The following ST8SIA2 variants were observed in gnomAD, a reference collection of about 807,000 sequenced individuals.
ST8SIA2 encodes the protein alpha-2,8-sialyltransferase 8B.
In ST8SIA2, 22 loss-of-function variants were observed where a neutral mutation model predicts 37.6. The ratio of observed to expected loss-of-function variants is 0.58; its 90% CI spans 0.42 to 0.83. The LOEUF is 0.83. ST8SIA2 is among the 40% of genes least tolerant of loss of function. ST8SIA2 has a pLI of 0.00. For missense variants in ST8SIA2, 382 were observed against 484.7 expected, an observed-to-expected ratio of 0.79 and a Z score of 1.99; for synonymous variants, 205 against 201.2, an observed-to-expected ratio of 1.02 and a Z score of -0.16.
chr15:92,415,491 G>A (rs1271909452), intron 1 of ST8SIA2, among the ~76,000 whole-genome samples: 1 of 151,956 alleles, frequency 6.6e-6, no homozygotes, highest in Admixed American at 6.6e-5. Context: ...GCAAGTCACA[G>A]ATATAAGTGA....
intron 4 of ST8SIA2, among the ~76,000 whole-genome samples, chr15:92,441,397 G>T (rs2049800642): frequency 1.3e-5 from 2 of 152,182 alleles, no homozygotes; most frequent in Admixed American, 1.3e-4. Context: ...CATGGATCCG[G>T]CAGGGCACTG....
At chr15:92,448,313 T>A (rs2049856736) in intron 5 of ST8SIA2, among the ~76,000 whole-genome samples, 1 of 152,170 alleles carries the variant, frequency 6.6e-6, no homozygotes. Flanking sequence ...CTCTGCAGGG[T>A]GCTGGGTCTA....
chr15:92,452,831 A>C (rs757963842), intron 5 of ST8SIA2, among the ~76,000 whole-genome samples: 1 of 152,188 alleles, frequency 6.6e-6, no homozygotes, highest in Non-Finnish European at 1.5e-5. Context: ...CTTTCTACTC[A>C]TAAGGAAATT....
chr15:92,416,537 C>T (rs947708949), intron 1 of ST8SIA2, among the ~76,000 whole-genome samples: 2 of 152,080 alleles, frequency 1.3e-5, no homozygotes, highest in Admixed American at 6.5e-5. Context: ...CAAAGAAAAC[C>T]CGGAGAAAGT....
At chr15:92,452,903 C>T (rs1461359319) in intron 5 of ST8SIA2, among the ~76,000 whole-genome samples, 2 of 152,130 alleles carry the variant, frequency 1.3e-5, no homozygotes, top group East Asian at 3.8e-4. Flanking sequence ...ACATATGAGT[C>T]TGGGGGAAAG....
rs534520474 is a variant in ST8SIA2 at position 92,416,899 on chromosome 15, C to T, written c.99-13150C>T. Among the ~76,000 whole-genome samples, 87 of 152,346 alleles carry T rather than the reference C, an allele frequency of 5.7e-4. 1 individual carries two copies. The highest frequency in any genetic ancestry group is 1.9e-3 in the South Asian group (9 of 4,828). ...GCAACAGCAGGTGCCTGTTCTACCA[C>T]GCTAGCACGCTCCACTTTCTCTCCT... On this transcript the variant is annotated intron_variant, in intron 1 of 5. Transcript: ENST00000268164.
intron 1 of ST8SIA2, 22 bp downstream of exon 1, chr15:92,394,184 C>A: frequency 6.5e-7 from 1 of 1,542,528 alleles, no homozygotes; most frequent in Non-Finnish European, 8.8e-7. Flanking sequence ...CTCCCAGGCC[C>A]GTGCCACGAG....
At chr15:92,429,036 A>G (rs144598271) in intron 1 of ST8SIA2, among the ~76,000 whole-genome samples, 2 of 152,314 alleles carry the variant, frequency 1.3e-5, no homozygotes, top group African/African-American at 2.4e-5. Context: ...TGGATAGGCA[A>G]TAACTCCCCC....
At chr15:92,394,440 C>G (rs968348422) in intron 1 of ST8SIA2, among the ~76,000 whole-genome samples, 5 of 152,114 alleles carry the variant, frequency 3.3e-5, no homozygotes, top group Admixed American at 2.0e-4. Context: ...ACCCTGCCCC[C>G]CTGCCTGGCG....
chr15:92,454,452 A>G (rs1342921140), intron 5 of ST8SIA2, among the ~76,000 whole-genome samples: 1 of 152,082 alleles, frequency 6.6e-6, no homozygotes, highest in East Asian at 1.9e-4. Flanking sequence ...AAACATCAAC[A>G]TATGAGTTTG....
At chr15:92,436,597 C>G (rs2049760151) in intron 3 of ST8SIA2, among the ~76,000 whole-genome samples, 1 of 152,138 alleles carries the variant, frequency 6.6e-6, no homozygotes, top group African/African-American at 2.4e-5. Context: ...TCTAGGGGCT[C>G]TCTTTGTTTT....
chr15:92,399,113 G>A (rs1211534293), intron 1 of ST8SIA2, among the ~76,000 whole-genome samples: 1 of 152,202 alleles, frequency 6.6e-6, no homozygotes, highest in Admixed American at 6.5e-5. Flanking sequence ...TCCAGACTCT[G>A]AGGTGGAGCC....
At chr15:92,434,500 G>A (rs997082872) in intron 3 of ST8SIA2, 125 bp downstream of exon 3, 6 of 1,405,974 alleles carry the variant, frequency 4.3e-6, no homozygotes, top group Non-Finnish European at 5.9e-6. Flanking sequence ...ACTGAGGCAG[G>A]TTTCATCTGT....
intron 1 of ST8SIA2, among the ~76,000 whole-genome samples, chr15:92,414,864 A>T (rs529699977): frequency 6.6e-6 from 1 of 152,212 alleles, no homozygotes; most frequent in Non-Finnish European, 1.5e-5. Context: ...CCATGCCCTA[A>T]GTCAACATGG....
At position 92,409,604 on chromosome 15, in the gene ST8SIA2, A is replaced by T. The variant is rs118032995; in HGVS notation, c.98+15442A>T. Among the ~76,000 whole-genome samples, 808 of 152,290 alleles carry T rather than the reference A, an allele frequency of 5.3e-3. 8 individuals carry two copies. Among genetic ancestry groups the T allele is most frequent in the Middle Eastern group, 0.024 (7 of 294 alleles). On this transcript the variant is annotated intron_variant, in intron 1 of 5. Coordinates refer to ENST00000268164, the MANE Select transcript of ST8SIA2 (RefSeq NM_006011.4). ...CTGTTCATTTCTGTATAGCGAGTGC[A>T]TGACACCTGGTACATGCTCAGTAAC...
intron 5 of ST8SIA2, among the ~76,000 whole-genome samples, chr15:92,448,441 C>A (rs1410907439): frequency 6.6e-6 from 1 of 152,194 alleles, no homozygotes; most frequent in Non-Finnish European, 1.5e-5. Flanking sequence ...TACAAAGTCA[C>A]ACGAGAAAAG....
chr15:92,437,682 A>G (rs1160484857), intron 3 of ST8SIA2, among the ~76,000 whole-genome samples: 3 of 152,218 alleles, frequency 2.0e-5, no homozygotes, highest in African/African-American at 7.2e-5. Flanking sequence ...TACACGTCAC[A>G]GTATCCATCC....
At chr15:92,459,863 T>G (rs930587165) in intron 5 of ST8SIA2, among the ~76,000 whole-genome samples, 79 of 152,180 alleles carry the variant, frequency 5.2e-4, no homozygotes, top group African/African-American at 1.9e-3. Flanking sequence ...AAGTAAAATT[T>G]TAATTAGTTG....
At chr15:92,398,282 T>C (rs1348185840) in intron 1 of ST8SIA2, among the ~76,000 whole-genome samples, 2 of 152,258 alleles carry the variant, frequency 1.3e-5, no homozygotes, top group Non-Finnish European at 2.9e-5. Flanking sequence ...TAATCTGAGA[T>C]CACAGCCTGG....
Sources: allele counts gnomAD v4.1 joint callset (sites outside exome capture counted in the v4.1 genomes callset), GRCh38; gene constraint gnomAD v4.1.1; transcripts MANE v1.5; gene names NCBI Gene and HGNC (gene_info 2026-07-23, HGNC 2026-07-21).